SHISA9: variants seen among roughly 807,000 people sequenced by gnomAD.
SHISA9 encodes protein shisa-9.
In SHISA9, 13 loss-of-function variants were observed where a neutral mutation model predicts 38.0. That is an observed-to-expected ratio of 0.34 (90% confidence interval 0.22 to 0.54). The LOEUF (loss-of-function observed/expected upper bound fraction) is 0.54. SHISA9 is among the 20% of genes least tolerant of loss of function. The pLI, the probability that SHISA9 is intolerant of heterozygous loss-of-function variation, is 0.91. For missense variants in SHISA9, 538 were observed against 575.8 expected (o/e 0.93, Z 0.67); for synonymous variants, 275 against 242.0 (o/e 1.14, Z -1.27).
intron 3 of SHISA9, among the ~76,000 whole-genome samples, chr16:13,207,311 T>C (rs544534048): frequency 6.6e-6 from 1 of 152,286 alleles, no homozygotes; most frequent in South Asian, 2.1e-4. Flanking sequence ...ATCCAAGATT[T>C]ATGTGGAGCT....
intron 2 of SHISA9, among the ~76,000 whole-genome samples, chr16:13,152,210 A>G (rs781379370): frequency 2.6e-5 from 4 of 152,200 alleles, no homozygotes; most frequent in African/African-American, 7.2e-5. Context: ...AAATAAATTC[A>G]TCTAGTTGAG....
At chr16:13,274,936 G>C in the SHISA9 span, among the ~76,000 whole-genome samples, 2 of 152,132 alleles carry the variant, frequency 1.3e-5, no homozygotes, top group African/African-American at 4.8e-5. Context: ...GGCCCAGAGC[G>C]CTAATGATTG....
At chr16:13,133,932 A>G (rs1296452060) in intron 2 of SHISA9, among the ~76,000 whole-genome samples, 1 of 152,240 alleles carries the variant, frequency 6.6e-6, no homozygotes, top group Non-Finnish European at 1.5e-5. Context: ...GATAATATAA[A>G]GCAGATAAAA....
intron 2 of SHISA9, among the ~76,000 whole-genome samples, chr16:13,071,718 A>G (rs1245560039): frequency 1.3e-5 from 2 of 151,064 alleles, no homozygotes; most frequent in African/African-American, 2.4e-5. Flanking sequence ...GGTTACTGCA[A>G]CCTCCACCTC....
the SHISA9 span, among the ~76,000 whole-genome samples, chr16:13,380,534 G>A: frequency 3.9e-5 from 6 of 152,030 alleles, no homozygotes; most frequent in South Asian, 2.1e-4. Flanking sequence ...TCAAACTATC[G>A]ATCAAGTATA....
chr16:13,168,979 T>A (rs896277557), intron 2 of SHISA9, among the ~76,000 whole-genome samples: 2 of 152,250 alleles, frequency 1.3e-5, no homozygotes, highest in African/African-American at 4.8e-5. Context: ...TCATTGTTTT[T>A]ATCATCTTGA....
At chr16:13,349,069 G>C in the SHISA9 span, among the ~76,000 whole-genome samples, 1 of 152,116 alleles carries the variant, frequency 6.6e-6, no homozygotes, top group African/African-American at 2.4e-5. Context: ...CTGGTAAGGG[G>C]CTCTTTGTAA....
intron 2 of SHISA9, among the ~76,000 whole-genome samples, chr16:13,148,059 G>A (rs1457844105): frequency 6.6e-6 from 1 of 151,962 alleles, no homozygotes; most frequent in Non-Finnish European, 1.5e-5. Flanking sequence ...ATTGGGGAGG[G>A]GTGCTCAGGA....
the SHISA9 span, among the ~76,000 whole-genome samples, chr16:13,377,814 G>C: frequency 6.6e-6 from 1 of 152,182 alleles, no homozygotes; most frequent in Non-Finnish European, 1.5e-5. Context: ...GATCACTTGA[G>C]GTCAGGAGTT....
chr16:12,929,440 C>CATGGAATACT (rs2071435099), intron 2 of SHISA9, among the ~76,000 whole-genome samples: 3 of 152,140 alleles, frequency 2.0e-5, no homozygotes, highest in Admixed American at 2.0e-4. Flanking sequence ...ACAGATACAC[C>CATGGAATACT]ATGGAATACT....
At chr16:13,440,820 G>A in the SHISA9 span, among the ~76,000 whole-genome samples, 3 of 152,086 alleles carry the variant, frequency 2.0e-5, no homozygotes, top group South Asian at 4.2e-4. Flanking sequence ...TACTCAGGAG[G>A]CTGAGGCAGG....
chr16:13,187,328 C>CTTTTCTTTTCTTTTTT (rs1450024008), intron 2 of SHISA9, among the ~76,000 whole-genome samples: 10 of 90,712 alleles, frequency 1.1e-4, no homozygotes, highest in Non-Finnish European at 1.8e-4. Flanking sequence ...CTTTTCTTTT[C>CTTTTCTTTTCTTTTTT]TTTTTTTTTT....
At chr16:13,097,754 T>A (rs936160573) in intron 2 of SHISA9, among the ~76,000 whole-genome samples, 2 of 152,060 alleles carry the variant, frequency 1.3e-5, no homozygotes, top group Non-Finnish European at 2.9e-5. Context: ...GTCATTCCTA[T>A]ATAGAGTGCA....
At chr16:13,516,537 C>G in the SHISA9 span, among the ~76,000 whole-genome samples, 1 of 152,084 alleles carries the variant, frequency 6.6e-6, no homozygotes, top group Non-Finnish European at 1.5e-5. Context: ...CAGTGGCTCA[C>G]GCCTGTAATC....
chr16:13,019,085 C>A (rs1210779595), intron 2 of SHISA9, among the ~76,000 whole-genome samples: 1 of 152,114 alleles, frequency 6.6e-6, no homozygotes, highest in East Asian at 1.9e-4. Context: ...TTGCAACCTC[C>A]ACCTCCCCAG....
At chr16:13,514,461 T>C in the SHISA9 span, among the ~76,000 whole-genome samples, 1 of 152,170 alleles carries the variant, frequency 6.6e-6, no homozygotes, top group African/African-American at 2.4e-5. Context: ...ATTATAAGTG[T>C]ATCTAATTTG....
At chr16:12,994,190 G>C (rs1360573623) in intron 2 of SHISA9, among the ~76,000 whole-genome samples, 4 of 152,118 alleles carry the variant, frequency 2.6e-5, no homozygotes, top group Admixed American at 2.6e-4. Context: ...AAGGGCTGAG[G>C]GAGCCAGGGA....
chr16:13,140,407 C>A lies in SHISA9; in HGVS notation c.692-62987C>A, dbSNP rs1017585349. Reference sequence around the variant, plus strand: ...GGCCAGGCTGGTCTCAAACTCCTGACCTCAGGTGATCCACCTGCCTTGGCC... The same window carrying A: ...GGCCAGGCTGGTCTCAAACTCCTGAACTCAGGTGATCCACCTGCCTTGGCC... On this transcript the variant is annotated intron_variant, in intron 2 of 4. Coordinates refer to ENST00000558583, the MANE Select transcript of SHISA9 (RefSeq NM_001145204.3). 2.0e-5 allele frequency among the ~76,000 whole-genome samples: 3 copies of A among 152,002 alleles called. No homozygotes were observed. In the East Asian group the frequency reaches 5.8e-4, roughly 29 times the overall value.
chr16:12,914,390 C>G (rs1472756812), intron 1 of SHISA9, among the ~76,000 whole-genome samples: 2 of 152,038 alleles, frequency 1.3e-5, no homozygotes, highest in Non-Finnish European at 2.9e-5. Flanking sequence ...AAATCTTCTC[C>G]CATAGAATAT....
Sources: gnomAD v4.1 joint callset for allele counts (sites outside exome capture counted in the v4.1 genomes callset) on GRCh38, gnomAD v4.1.1 for gene constraint, MANE v1.5 for transcripts, NCBI Gene and HGNC (gene_info 2026-07-23, HGNC 2026-07-21) for gene names.